MAPKAPK5: variants seen among roughly 807,000 people sequenced by gnomAD.
MAPKAPK5 encodes MAPK activated protein kinase 5.
Under a neutral mutation model 65.1 loss-of-function variants are expected in MAPKAPK5, and 30 were observed. The ratio of observed to expected loss-of-function variants is 0.46; its 90% CI spans 0.34 to 0.63. The LOEUF (loss-of-function observed/expected upper bound fraction) is 0.63. Among genes scored for constraint, MAPKAPK5 ranks in the 20% least tolerant of loss-of-function variants. The pLI is 0.01. For synonymous variants in MAPKAPK5, 179 were observed against 204.6 expected (o/e 0.87, Z 1.07); for missense variants, 433 against 581.4 (o/e 0.74, Z 2.63).
intron 1 of MAPKAPK5, among the ~76,000 whole-genome samples, chr12:111,863,445 G>A (rs1308087502): frequency 1.3e-5 from 2 of 152,152 alleles, no homozygotes; most frequent in African/African-American, 4.8e-5. Flanking sequence ...TAGAGGCCTT[G>A]TTTTCATACC....
intron 1 of MAPKAPK5, among the ~76,000 whole-genome samples, chr12:111,847,198 A>T (rs985829394): frequency 6.6e-6 from 1 of 151,952 alleles, no homozygotes; most frequent in Non-Finnish European, 1.5e-5. Flanking sequence ...ACAAAAAAAA[A>T]TTAGCTGGGT....
intron 1 of MAPKAPK5, among the ~76,000 whole-genome samples, chr12:111,850,908 T>C (rs1408861771): frequency 6.6e-6 from 1 of 151,624 alleles, no homozygotes; most frequent in Non-Finnish European, 1.5e-5. Flanking sequence ...TCTTTTTTTT[T>C]TTTTTTTTTG....
intron 1 of MAPKAPK5, among the ~76,000 whole-genome samples, chr12:111,844,247 G>A (rs1272865412): frequency 6.6e-6 from 1 of 151,486 alleles, no homozygotes; most frequent in African/African-American, 2.4e-5. Context: ...CTGGAGTGCA[G>A]TGGGATGCTC....
intron 1 of MAPKAPK5, among the ~76,000 whole-genome samples, chr12:111,848,487 C>G (rs1179866298): frequency 6.7e-6 from 1 of 149,292 alleles, no homozygotes; most frequent in Non-Finnish European, 1.5e-5. Context: ...GATCTCGGCT[C>G]ACTGCAACCA....
At chr12:111,845,191 C>A (rs776490335) in intron 1 of MAPKAPK5, among the ~76,000 whole-genome samples, 3 of 151,522 alleles carry the variant, frequency 2.0e-5, no homozygotes, top group Non-Finnish European at 2.9e-5. Flanking sequence ...GTGGTGTGAT[C>A]TCGGCTCACT....
chr12:111,865,322 A>G lies in MAPKAPK5; in HGVS notation c.109A>G (p.Arg37Gly). 6.3e-7 allele frequency: 1 copy of G among 1,586,762 alleles called. No individual in the cohort carries two copies. The highest frequency in any genetic ancestry group is 8.6e-7 in the Non-Finnish European group (1 of 1,164,940). ...GGGAGCTGGAATTAGTGGTCCAGTT[A>G]GGTAAGAGATCCATATGAGAAACTA... ...KLGAGISGPV[R>G]VCVKKSTQER... The change falls in exon 2 of 14, where the codon AGA (arginine) becomes GGA (glycine). Residue 37 changes from arginine to glycine, a missense_variant and splice_region_variant. By Grantham distance (125) the Arg-to-Gly change is moderately radical. Coordinates refer to ENST00000550735, the MANE Select transcript of MAPKAPK5 (RefSeq NM_003668.4).
chr12:111,848,052 C>T (rs981480371), intron 1 of MAPKAPK5, among the ~76,000 whole-genome samples: 1 of 152,100 alleles, frequency 6.6e-6, no homozygotes, highest in Admixed American at 6.6e-5. Flanking sequence ...TAAAACTGTA[C>T]AAGTTTTGTG....
At position 111,895,809 on chromosome 12, in the gene MAPKAPK5, G is replaced by C. The variant is rs542103392; in HGVS notation, c.*2748G>C. The C allele has an allele frequency of 4.6e-5, 7 of 152,224 alleles. No homozygotes were observed. The highest frequency in any genetic ancestry group is 1.7e-4 in the African/African-American group (7 of 41,540). 9.4% of individuals were successfully genotyped at this position (152,224 alleles called of 1,614,324 possible). ...CTCCCAAAGTGCTGGGATTACAGGC[G>C]TGAGCCACCGTGCGCGACCTGAATA... On this transcript the variant is annotated 3_prime_UTR_variant, in exon 14 of 14. Transcript: ENST00000550735.
intron 7 of MAPKAPK5, among the ~76,000 whole-genome samples, chr12:111,877,860 TG>T (rs1214978119): frequency 6.6e-6 from 1 of 151,922 alleles, no homozygotes; most frequent in African/African-American, 2.4e-5. Flanking sequence ...AAGAAATTTT[TG>T]GTTTTTTTTT....
intron 1 of MAPKAPK5, among the ~76,000 whole-genome samples, chr12:111,862,352 G>A (rs1272433554): frequency 6.6e-6 from 1 of 152,158 alleles, no homozygotes; most frequent in Non-Finnish European, 1.5e-5. Context: ...TCCAATCAGA[G>A]TCTCTACAAG....
intron 13 of MAPKAPK5, among the ~76,000 whole-genome samples, chr12:111,892,579 T>G (rs1308380469): frequency 2.6e-5 from 4 of 152,246 alleles, no homozygotes; most frequent in Non-Finnish European, 5.9e-5. Context: ...ATGGGCCAGT[T>G]AGATTTCCTC....
chr12:111,864,459 T>C (rs1449600243), intron 1 of MAPKAPK5, among the ~76,000 whole-genome samples: 1 of 152,072 alleles, frequency 6.6e-6, no homozygotes, highest in African/African-American at 2.4e-5. Flanking sequence ...CTTGGCCTCC[T>C]AAAGTGCTGG....
chr12:111,887,422 A>G (rs1277446539), intron 10 of MAPKAPK5, among the ~76,000 whole-genome samples: 2 of 152,228 alleles, frequency 1.3e-5, no homozygotes, highest in African/African-American at 4.8e-5. Context: ...CTGTAATCCC[A>G]GCAGTTTTGA....
intron 7 of MAPKAPK5, among the ~76,000 whole-genome samples, chr12:111,876,745 T>C (rs1010215511): frequency 6.6e-6 from 1 of 152,160 alleles, no homozygotes; most frequent in Admixed American, 6.5e-5. Context: ...TTTTTCCTTT[T>C]CTTTCATCCT....
At chr12:111,844,718 G>A (rs2068852279) in intron 1 of MAPKAPK5, among the ~76,000 whole-genome samples, 1 of 152,232 alleles carries the variant, frequency 6.6e-6, no homozygotes, top group Non-Finnish European at 1.5e-5. Context: ...AGTGTGGAAA[G>A]GGTGAGGAGT....
chr12:111,842,973 G>A (rs2068772033), intron 1 of MAPKAPK5: 1 of 418,392 alleles, frequency 2.4e-6, no homozygotes. Flanking sequence ...ACTCCCGCCA[G>A]CTTCCCTGGT....
At chr12:111,865,055 A>G (rs1334606455) in intron 1 of MAPKAPK5, among the ~76,000 whole-genome samples, 195 bp from the exon 2 acceptor site, 2 of 152,208 alleles carry the variant, frequency 1.3e-5, no homozygotes, top group Non-Finnish European at 1.5e-5. Flanking sequence ...TTGTTGGAAA[A>G]TTGGGAAACA....
At chr12:111,872,598 T>C (rs1208489923) in intron 7 of MAPKAPK5, among the ~76,000 whole-genome samples, 6 of 152,232 alleles carry the variant, frequency 3.9e-5, no homozygotes, top group African/African-American at 1.2e-4. Flanking sequence ...TATTATCTTA[T>C]ACTTCTGGAA....
In MAPKAPK5 at chr12:111,885,945, T is replaced by C. The variant is rs2070387465; in HGVS notation, c.878T>C (p.Leu293Pro). The C allele has an allele frequency of 6.2e-7, 1 of 1,613,778 alleles. No homozygotes were observed. The highest frequency in any genetic ancestry group is 1.7e-5 in the Admixed American group (1 of 59,990). ...CTGAAGGTCAAACCGGAGGAGAGAC[T>C]CACCATCGAGGGAGTGCTGGACCAC... ...KLLKVKPEER[L>P]TIEGVLDHPW... Residue 293 changes from leucine to proline, a missense_variant, in exon 10 of 14, where the codon CTC (leucine) becomes CCC (proline). Physicochemically the swap from Leu to Pro is moderately conservative, Grantham distance 98. Transcript: ENST00000550735.
Sources: allele counts gnomAD v4.1 joint callset (sites outside exome capture counted in the v4.1 genomes callset), GRCh38; gene constraint gnomAD v4.1.1; transcripts MANE v1.5; gene names NCBI Gene and HGNC (gene_info 2026-07-23, HGNC 2026-07-21).